FMN2: variants seen among roughly 807,000 people sequenced by gnomAD.
The protein encoded by FMN2 is formin-2.
FMN2 carries 51 observed loss-of-function variants against 142.3 expected under a neutral mutation model. That is an observed-to-expected ratio of 0.36 (90% CI 0.29 to 0.45). The LOEUF (loss-of-function observed/expected upper bound fraction) is 0.45, where lower values mean the gene tolerates loss of function less well. Ranked by LOEUF, FMN2 falls within the 20% of genes least tolerant of loss-of-function variation. FMN2 has a pLI of 1.00. For synonymous variants in FMN2, 882 were observed against 869.8 expected (o/e 1.01, Z -0.25); for missense variants, 1,936 against 2,122.8 (o/e 0.91, Z 1.73).
intron 6 of FMN2, among the ~76,000 whole-genome samples, chr1:240,224,090 G>C (rs1458058487): frequency 6.6e-6 from 1 of 152,058 alleles, no homozygotes; most frequent in Admixed American, 6.6e-5. Flanking sequence ...GTTGATTTTA[G>C]ATCTTTCCTG....
intron 14 of FMN2, among the ~76,000 whole-genome samples, chr1:240,367,125 T>A (rs1398256635): frequency 6.6e-6 from 1 of 152,238 alleles, no homozygotes; most frequent in Non-Finnish European, 1.5e-5. Context: ...TTTGACCCAA[T>A]TGACTCTTTA....
At chr1:240,132,715 G>T (rs1331467892) in intron 2 of FMN2, among the ~76,000 whole-genome samples, 4 of 152,176 alleles carry the variant, frequency 2.6e-5, no homozygotes. Flanking sequence ...GGCTTTGGAA[G>T]TGGAGTGGGT....
chr1:240,359,790 T>A (rs944246691), intron 14 of FMN2, among the ~76,000 whole-genome samples: 2 of 152,212 alleles, frequency 1.3e-5, no homozygotes, highest in Admixed American at 1.3e-4. Flanking sequence ...CAAAAATTGT[T>A]CTGACGGCCA....
In FMN2 at chr1:240,294,817, C is replaced by T. The variant is rs751736487; in HGVS notation, c.4154-5C>T. The T allele has an allele frequency of 4.3e-6, 7 of 1,613,562 alleles. No individual in the cohort carries two copies. In the Admixed American group the frequency reaches 1.2e-4, roughly 27 times the overall value. On this transcript the variant is annotated splice_region_variant and splice_polypyrimidine_tract_variant and intron_variant, in intron 7 of 17. Transcript: ENST00000319653. ...GCAATTTATATTCTTCTTTTTTTTC[C>T]ACAGCTGTTGTGAACTTGGATAATT...
At chr1:240,398,849 T>C (rs1342838628) in intron 15 of FMN2, among the ~76,000 whole-genome samples, 4 of 151,570 alleles carry the variant, frequency 2.6e-5, no homozygotes, top group Non-Finnish European at 5.9e-5. Flanking sequence ...AAGTGATCAA[T>C]AGATGTTAAT....
At chr1:240,378,662 T>C (rs1673128901) in intron 14 of FMN2, among the ~76,000 whole-genome samples, 1 of 152,240 alleles carries the variant, frequency 6.6e-6, no homozygotes, top group Non-Finnish European at 1.5e-5. Context: ...TCTTTTCCTT[T>C]ATGTGCTTCA....
At chr1:240,217,819 A>T (rs1666961385) in intron 6 of FMN2, among the ~76,000 whole-genome samples, 1 of 151,890 alleles carries the variant, frequency 6.6e-6, no homozygotes, top group Non-Finnish European at 1.5e-5. Flanking sequence ...AAAAAAAAAC[A>T]CGAATACACC....
In FMN2 at chr1:240,170,354, C is replaced by G. The variant is rs534991141; in HGVS notation, c.1783-7567C>G. On this transcript the variant is annotated intron_variant, in intron 2 of 17. Coordinates refer to ENST00000319653, the MANE Select transcript of FMN2 (RefSeq NM_020066.5). ...AGAGCTGATCCTGAGGGTTGTTTTC[C>G]AGTGATCTTGGGACATGAAGGTGCT... 4 of 1,163,720 alleles carry G rather than the reference C, an allele frequency of 3.4e-6. No individual in the cohort carries two copies. In the African/African-American group the frequency reaches 6.0e-5, roughly 18 times the overall value. The allele number at this position is 1,163,720 out of a possible 1,614,324, so 72.1% of individuals were successfully genotyped here.
chr1:240,165,316 C>T (rs977248877), intron 2 of FMN2, among the ~76,000 whole-genome samples: 3 of 152,026 alleles, frequency 2.0e-5, no homozygotes, highest in Non-Finnish European at 2.9e-5. Flanking sequence ...GCTGGGACTA[C>T]AGGTATGGAC....
At chr1:240,419,359 G>A (rs1458920867) in intron 15 of FMN2, among the ~76,000 whole-genome samples, 2 of 151,614 alleles carry the variant, frequency 1.3e-5, no homozygotes, top group African/African-American at 4.8e-5. Flanking sequence ...TTTTTGGTTC[G>A]CATTTGTCAT....
At chr1:240,288,507 G>A (rs1669666722) in intron 7 of FMN2, among the ~76,000 whole-genome samples, 1 of 152,104 alleles carries the variant, frequency 6.6e-6, no homozygotes, top group Admixed American at 6.5e-5. Flanking sequence ...GAAGTCCAAG[G>A]AACAGAGAGC....
chr1:240,105,559 C>G (rs1661575440), intron 1 of FMN2, among the ~76,000 whole-genome samples: 4 of 152,096 alleles, frequency 2.6e-5, no homozygotes, highest in African/African-American at 9.7e-5. Context: ...TGTGAAAGAT[C>G]TCTTCATTTA....
chr1:240,343,980 GACC>G (rs1671823827), intron 13 of FMN2, among the ~76,000 whole-genome samples: 2 of 152,098 alleles, frequency 1.3e-5, no homozygotes, highest in East Asian at 3.9e-4. Context: ...AGAACACAGT[GACC>G]ATGAGATGAT....
intron 2 of FMN2, among the ~76,000 whole-genome samples, chr1:240,137,989 C>T (rs973185941): frequency 4.1e-5 from 6 of 145,500 alleles, no homozygotes; most frequent in South Asian, 2.2e-4. Context: ...CCCTTGAATC[C>T]GGGAGGCAGA....
At chr1:240,213,424 A>G (rs1475611504) in intron 6 of FMN2, among the ~76,000 whole-genome samples, 1 of 152,196 alleles carries the variant, frequency 6.6e-6, no homozygotes, top group Admixed American at 6.5e-5. Context: ...TTTTAAATGT[A>G]TGTTAGAGAA....
chr1:240,132,090 G>T (rs546868587), intron 2 of FMN2, among the ~76,000 whole-genome samples: 3 of 152,292 alleles, frequency 2.0e-5, no homozygotes, highest in Non-Finnish European at 4.4e-5. Context: ...TGAGGAAGTG[G>T]AGTAGATGAT....
In FMN2 at chr1:240,340,586, G is replaced by GA. The variant is rs541739159; in HGVS notation, c.4765+6364dup. 1.8e-3 allele frequency among the ~76,000 whole-genome samples: 281 copies of GA among 151,920 alleles called. 13 individuals carry two copies. In the South Asian group the frequency reaches 0.056, roughly 30 times the overall value. Reference sequence around the variant, plus strand: ...ACAGAGCGAGACTCCATCTCAAACTGAAAAAAATTGTTCCCCCTTGTTTTG... The same window carrying GA: ...ACAGAGCGAGACTCCATCTCAAACTGAAAAAAAATTGTTCCCCCTTGTTTTG... On this transcript the variant is annotated intron_variant, in intron 13 of 17. Transcript: ENST00000319653.
intron 2 of FMN2, among the ~76,000 whole-genome samples, chr1:240,157,977 A>AG (rs59691811): frequency 0.23 from 33,879 of 144,690 alleles, 3,456 homozygotes; most frequent in South Asian, 0.32. Context: ...TCTCTACTAA[A>AG]AAAAAAAAAA....
rs902508153 is a variant in FMN2, at chr1:240,290,698, CTCTA to C, written c.4154-4119_4154-4116del. On this transcript the variant is annotated intron_variant, in intron 7 of 17. Transcript: ENST00000319653. ...GCCTGAAAGATTACTATGTTCTACT[CTCTA>C]TCTAGACATTGGCATTTGATAAAAT... Among the ~76,000 whole-genome samples, 366 of 151,048 alleles carry C rather than the reference CTCTA, an allele frequency of 2.4e-3. 1 individual carries two copies. The highest frequency in any genetic ancestry group is 8.6e-3 in the African/African-American group (354 of 41,080).
Sources: allele counts gnomAD v4.1 joint callset (sites outside exome capture counted in the v4.1 genomes callset), GRCh38; gene constraint gnomAD v4.1.1; transcripts MANE v1.5; gene names NCBI Gene and HGNC (gene_info 2026-07-23, HGNC 2026-07-21).